USP24: variants seen among roughly 807,000 people sequenced by gnomAD.
USP24 encodes the protein ubiquitin carboxyl-terminal hydrolase 24.
In USP24, 97 loss-of-function variants were observed where a neutral mutation model predicts 361.6. The observed-to-expected ratio is 0.27, with a 90% confidence interval of 0.23 to 0.32. The LOEUF is 0.32. Ranked by LOEUF, USP24 falls within the 10% of genes least tolerant of loss-of-function variation. The probability of loss-of-function intolerance (pLI) is 1.00; values close to 1 mark genes in which losing one functional copy is unlikely to be tolerated. For missense variants in USP24, 2,353 were observed against 3,165.6 expected (o/e 0.74, Z 6.16); for synonymous variants, 1,098 against 1,124.6 (o/e 0.98, Z 0.47).
intron 1 of USP24, 119 bp downstream of exon 1, chr1:55,214,671 C>G: frequency 2.3e-6 from 2 of 875,486 alleles, no homozygotes; most frequent in Non-Finnish European, 2.9e-6. Flanking sequence ...CCGCCCCGCC[C>G]CCACTAAAGC....
At chr1:55,201,740 G>A (rs1417302109) in intron 1 of USP24, among the ~76,000 whole-genome samples, 1 of 152,048 alleles carries the variant, frequency 6.6e-6, no homozygotes, top group Non-Finnish European at 1.5e-5. Flanking sequence ...GTTTAACTAG[G>A]AGGAAGGGAA....
intron 16 of USP24, 88 bp downstream of exon 16, chr1:55,153,782 A>C: frequency 8.4e-7 from 1 of 1,185,908 alleles, no homozygotes. Flanking sequence ...ACTAAAACAT[A>C]CTATTATTTT....
intron 42 of USP24, among the ~76,000 whole-genome samples, chr1:55,103,394 G>A (rs931070348): frequency 5.3e-5 from 8 of 152,164 alleles, no homozygotes; most frequent in African/African-American, 1.9e-4. Flanking sequence ...TTATGGGCCT[G>A]TCTCTTTCAC....
chr1:55,100,946 C>T lies in USP24; in HGVS notation c.5164G>A (p.Asp1722Asn), dbSNP rs1645618182. 6.2e-7 allele frequency: 1 copy of T among 1,611,454 alleles called. No individual in the cohort carries two copies. Among genetic ancestry groups the T allele is most frequent in the African/African-American group, 1.3e-5 (1 of 74,766 alleles). The change falls in exon 44 of 68, where the codon GAT becomes AAT. Residue 1722 changes from aspartate (D) to asparagine (N), a missense_variant. Physicochemically the swap from Asp to Asn is conservative, Grantham distance 23 (BLOSUM62 1). Coordinates refer to ENST00000294383, the MANE Select transcript of USP24 (RefSeq NM_015306.3). ...CTATCATCTGGATTGTCTGTGTCAT[C>T]ATCCACTGAAAGTAATGACTGCACA... ...GLPESLLSVD[D>N]DTDNPDDSVF... is the part of the protein sequence containing the mutation.
At chr1:55,144,055 CT>C (rs201656425) in intron 21 of USP24, 71 bp downstream of exon 21, 16,326 of 1,043,924 alleles carry the variant, frequency 0.016, 24 homozygotes, top group African/African-American at 0.035. Context: ...AATTATAACA[CT>C]TTTTTTTTTG....
intron 67 of USP24, among the ~76,000 whole-genome samples, chr1:55,069,622 C>A (rs1175399858): frequency 1.3e-5 from 2 of 151,510 alleles, no homozygotes; most frequent in African/African-American, 4.9e-5. Flanking sequence ...CAAGGACAGT[C>A]TCTCTAAAGT....
intron 67 of USP24, among the ~76,000 whole-genome samples, chr1:55,070,610 A>G (rs921849576): frequency 6.6e-6 from 1 of 152,214 alleles, no homozygotes; most frequent in African/African-American, 2.4e-5. Context: ...GTGAGAGATA[A>G]GAAAATGGGG....
intron 28 of USP24, among the ~76,000 whole-genome samples, chr1:55,136,052 TAAAC>T (rs901967710): frequency 4.0e-5 from 6 of 151,442 alleles, no homozygotes; most frequent in Non-Finnish European, 7.4e-5. Flanking sequence ...GAGAGAGAGA[TAAAC>T]AAGATAAATA....
chr1:55,079,310 G>C (rs1249544948), intron 60 of USP24, among the ~76,000 whole-genome samples: 2 of 152,210 alleles, frequency 1.3e-5, no homozygotes, highest in Non-Finnish European at 2.9e-5. Flanking sequence ...CTCCCTCTGG[G>C]GCCCTGATGG....
intron 61 of USP24, 141 bp downstream of exon 61, chr1:55,078,397 T>A (rs1166031715): frequency 4.6e-6 from 2 of 436,906 alleles, no homozygotes; most frequent in Non-Finnish European, 7.7e-6. Flanking sequence ...TAAAAATGAA[T>A]AAAACTGAGC....
At chr1:55,203,710 C>G (rs1644635770) in intron 1 of USP24, among the ~76,000 whole-genome samples, 2 of 152,168 alleles carry the variant, frequency 1.3e-5, no homozygotes, top group African/African-American at 4.8e-5. Context: ...TTCTATACTT[C>G]AACCATAAAA....
In USP24 at chr1:55,148,432, C is replaced by G. The variant is rs374174675; in HGVS notation, c.1968+31G>C. 8.9e-5 allele frequency: 132 copies of G among 1,480,100 alleles called. 1 individual carries two copies. The African/African-American group carries it at 1.5e-3, about 17-fold the overall frequency. 91.7% of individuals were successfully genotyped at this position (1,480,100 alleles called of 1,614,324 possible). On this transcript the variant is annotated intron_variant, in intron 17 of 67. Transcript: ENST00000294383. The stretch of plus-strand genomic sequence containing the variant: ...GTTATTGTAAAAGTTATGCAAGTAA[C>G]TATAATAATAAAAAATAGCTATACC...
At chr1:55,108,551 A>G (rs1171408881) in intron 39 of USP24, among the ~76,000 whole-genome samples, 1 of 152,218 alleles carries the variant, frequency 6.6e-6, no homozygotes, top group African/African-American at 2.4e-5. Flanking sequence ...AAGTGCTAGT[A>G]TAGGCACTGG....
Position 55,138,687 on chromosome 1 carries a change from G to A in USP24, c.2849C>T (p.Pro950Leu). ...ATGTCCATGAAATGAGGCACCATGAGGTAGAATAGTTCGTGGAACAGAGTA... is the reference window on the plus strand; with the variant it reads ...ATGTCCATGAAATGAGGCACCATGAAGTAGAATAGTTCGTGGAACAGAGTA... ...DFYSVPRTIL[P>L]HGASFHGHLL... is the part of the protein sequence containing the mutation. The change falls in exon 26 of 68, where the codon CCT (proline) becomes CTT (leucine). Residue 950 changes from proline (P) to leucine (L), a missense_variant. Physicochemically the swap from Pro to Leu is moderately conservative, Grantham distance 98. This residue lies in a region of USP24 where 949 missense variants were observed against 1,280.5 expected (regional missense o/e 0.74). Coordinates refer to ENST00000294383, the MANE Select transcript of USP24 (RefSeq NM_015306.3). 1.9e-6 allele frequency: 3 copies of A among 1,612,914 alleles called. No individual in the cohort carries two copies. Among genetic ancestry groups the A allele is most frequent in the Middle Eastern group, 1.6e-4 (1 of 6,062 alleles).
At chr1:55,187,529 T>G (rs1644166890) in intron 1 of USP24, among the ~76,000 whole-genome samples, 1 of 152,164 alleles carries the variant, frequency 6.6e-6, no homozygotes, top group South Asian at 2.1e-4. Context: ...GCCATAATTT[T>G]GCACAGAGAA....
Position 55,134,066 on chromosome 1 carries a change from A to G in USP24, c.3381+4T>C. On this transcript the variant is annotated splice_donor_region_variant and intron_variant, in intron 30 of 67. Transcript: ENST00000294383. Reference sequence around the variant, plus strand: ...TTGCCATGCTAGTTAAAAAATACTCATACCTTTCTTCCTAAAGAATCAAGT... The same window carrying G: ...TTGCCATGCTAGTTAAAAAATACTCGTACCTTTCTTCCTAAAGAATCAAGT... 6.2e-7 allele frequency: 1 copy of G among 1,612,750 alleles called. No homozygotes were observed. Among genetic ancestry groups the G allele is most frequent in the Non-Finnish European group, 8.5e-7 (1 of 1,179,222 alleles).
Position 55,123,499 on chromosome 1 carries a change from T to C in USP24, c.4224A>G (p.Gly1408=), listed in dbSNP as rs1231785792. The C allele has an allele frequency of 1.9e-6, 3 of 1,605,122 alleles. No homozygotes were observed. The highest frequency in any genetic ancestry group is 2.6e-6 in the Non-Finnish European group (3 of 1,176,012). Residue 1408 remains glycine, a synonymous_variant, in exon 36 of 68, where the codon GGA becomes GGG. Transcript: ENST00000294383. ...SVSTKDSLIA[G]EALSLLVTCL... ...ACGTAACAAGAAGAGACAAAGCCTC[T>C]CCCGCAATCAGCGAGTCTTTGGTGG... is the stretch of plus-strand genomic sequence containing the variant.
chr1:55,093,390 G>A (rs909187197), intron 52 of USP24, among the ~76,000 whole-genome samples: 8 of 152,348 alleles, frequency 5.3e-5, no homozygotes, highest in Middle Eastern at 3.4e-3. Flanking sequence ...TCTGAATTTA[G>A]ATCCTTGTCC....
chr1:55,215,316 G>C lies in USP24; in HGVS notation c.-203C>G, dbSNP rs1242303022. ...CGAGCTAGTGCGGTGAGGCGCTCAGGCGCGGCTGCGGCCCGGCCCAGCCCT... is the reference window on the plus strand; with the variant it reads ...CGAGCTAGTGCGGTGAGGCGCTCAGCCGCGGCTGCGGCCCGGCCCAGCCCT... On this transcript the variant is annotated 5_prime_UTR_variant, in exon 1 of 68. Coordinates refer to ENST00000294383, the MANE Select transcript of USP24 (RefSeq NM_015306.3). 2.0e-5 allele frequency among the ~76,000 whole-genome samples: 3 copies of C among 151,824 alleles called. No homozygotes were observed. Among genetic ancestry groups the C allele is most frequent in the African/African-American group, 7.2e-5 (3 of 41,384 alleles).
Sources: gnomAD v4.1 joint callset for allele counts (sites outside exome capture counted in the v4.1 genomes callset) on GRCh38, gnomAD v4.1.1 for gene constraint, gnomAD v4.1.1 regional missense constraint, MANE v1.5 for transcripts, NCBI Gene and HGNC (gene_info 2026-07-23, HGNC 2026-07-21) for gene names.